Variants in PRKN observed in about 807,000 individuals in gnomAD.
PRKN encodes the protein E3 ubiquitin-protein ligase parkin.
PRKN carries 56 observed loss-of-function variants against 59.5 expected under a neutral mutation model. The observed-to-expected ratio is 0.94, with a 90% confidence interval of 0.76 to 1.18. The LOEUF (loss-of-function observed/expected upper bound fraction) is 1.18. Among genes scored for constraint, PRKN ranks in the 50% most tolerant of loss-of-function variants. The probability of loss-of-function intolerance (pLI) is 0.00; values close to 1 mark genes in which losing one functional copy is unlikely to be tolerated. For synonymous variants in PRKN, 250 were observed against 222.1 expected (o/e 1.13, Z -1.12); for missense variants, 657 against 596.4 (o/e 1.10, Z -1.06).
At chr6:162,246,748 C>T (rs915498269) in intron 3 of PRKN, among the ~76,000 whole-genome samples, 1 of 152,138 alleles carries the variant, frequency 6.6e-6, no homozygotes, top group African/African-American at 2.4e-5. Flanking sequence ...CCGAACTTCT[C>T]GTACTTCTCA....
At chr6:162,234,668 G>T (rs1017189752) in intron 3 of PRKN, among the ~76,000 whole-genome samples, 2 of 152,132 alleles carry the variant, frequency 1.3e-5, no homozygotes, top group African/African-American at 4.8e-5. Context: ...TTTAAAATTT[G>T]CATTATGTTT....
intron 6 of PRKN, among the ~76,000 whole-genome samples, chr6:161,877,715 G>A (rs550167831): frequency 1.2e-3 from 179 of 151,984 alleles, no homozygotes; most frequent in African/African-American, 4.0e-3. Context: ...TGATCTGCCC[G>A]CCTCAGCCTC....
chr6:161,911,405 A>T (rs2128237078), intron 6 of PRKN, among the ~76,000 whole-genome samples: 1 of 151,646 alleles, frequency 6.6e-6, no homozygotes, highest in African/African-American at 2.4e-5. Flanking sequence ...CAAAGCTTAA[A>T]CCCCCTTCCC....
chr6:162,412,022 ATTT>A (rs34662241), intron 2 of PRKN, among the ~76,000 whole-genome samples: 1 of 149,232 alleles, frequency 6.7e-6, no homozygotes, highest in Non-Finnish European at 1.5e-5. Flanking sequence ...GCTGAGAGGC[ATTT>A]TTTTTTTTCT....
chr6:162,604,838 C>A (rs1199433197), intron 1 of PRKN, among the ~76,000 whole-genome samples: 2 of 152,044 alleles, frequency 1.3e-5, no homozygotes, highest in East Asian at 3.9e-4. Flanking sequence ...TTATCAGCCT[C>A]CAGCAAAAGT....
At position 161,560,744 on chromosome 6, in the gene PRKN, C is replaced by CTT. The variant is rs1431320985; in HGVS notation, c.933+8609_933+8610dup. On this transcript the variant is annotated intron_variant, in intron 8 of 11. Coordinates refer to ENST00000366898, the MANE Select transcript of PRKN (RefSeq NM_004562.3). This position sits in a 1 kb window ranked among gnomAD's most constrained non-coding sequence, Gnocchi z 4.9. Reference sequence around the variant, plus strand: ...GATCACCTCTTATCTTTCCAAATCTCTTGCTAAAGTATGAACATTGCTTAA... The same window carrying CTT: ...GATCACCTCTTATCTTTCCAAATCTCTTTTGCTAAAGTATGAACATTGCTTAA... 6.6e-6 allele frequency among the ~76,000 whole-genome samples: 1 copy of CTT among 152,212 alleles called. No individual in the cohort carries two copies. Among genetic ancestry groups the CTT allele is most frequent in the Non-Finnish European group, 1.5e-5 (1 of 68,038 alleles).
intron 7 of PRKN, among the ~76,000 whole-genome samples, chr6:161,737,904 T>C (rs975719352): frequency 4.6e-5 from 7 of 152,186 alleles, no homozygotes; most frequent in African/African-American, 1.7e-4. Flanking sequence ...TATCACATAT[T>C]ACATCCCGTT....
At chr6:162,355,540 C>T (rs1784819789) in intron 2 of PRKN, among the ~76,000 whole-genome samples, 1 of 151,940 alleles carries the variant, frequency 6.6e-6, no homozygotes, top group South Asian at 2.1e-4. Flanking sequence ...TCACCAATTA[C>T]TTCCCATATT....
At chr6:161,432,680 C>G (rs922497897) in intron 9 of PRKN, among the ~76,000 whole-genome samples, 2 of 151,778 alleles carry the variant, frequency 1.3e-5, no homozygotes, top group Admixed American at 6.6e-5. Context: ...CTGCACCTAG[C>G]CTCTGATTTT....
At chr6:161,511,434 C>A (rs1364672824) in intron 9 of PRKN, among the ~76,000 whole-genome samples, 1 of 152,142 alleles carries the variant, frequency 6.6e-6, no homozygotes, top group Non-Finnish European at 1.5e-5. Flanking sequence ...CAACTGGAAA[C>A]AAATCCCTTC....
At chr6:161,714,991 C>G (rs924301534) in intron 7 of PRKN, among the ~76,000 whole-genome samples, 1 of 152,188 alleles carries the variant, frequency 6.6e-6, no homozygotes, top group East Asian at 1.9e-4. Context: ...GGTATTCTTA[C>G]CATTATCCTT....
intron 4 of PRKN, among the ~76,000 whole-genome samples, chr6:162,188,463 C>T (rs1008941540): frequency 5.3e-5 from 8 of 152,162 alleles, no homozygotes; most frequent in African/African-American, 1.9e-4. Flanking sequence ...GTACACTCTG[C>T]CTTTTCCTTC....
chr6:162,016,189 C>A (rs115391201), intron 5 of PRKN, among the ~76,000 whole-genome samples: 2,280 of 152,154 alleles, frequency 0.015, 61 homozygotes, highest in African/African-American at 0.051. Context: ...GGCGACACAT[C>A]TGTTGTTGTT....
At chr6:162,140,010 T>G (rs1201398932) in intron 4 of PRKN, among the ~76,000 whole-genome samples, 1 of 152,248 alleles carries the variant, frequency 6.6e-6, no homozygotes, top group African/African-American at 2.4e-5. Context: ...ATGACTTCAT[T>G]TATTAAAAAG....
At chr6:162,082,884 G>T (rs1308669671) in intron 4 of PRKN, among the ~76,000 whole-genome samples, 1 of 151,984 alleles carries the variant, frequency 6.6e-6, no homozygotes, top group African/African-American at 2.4e-5. Context: ...TATGGGTGTG[G>T]TTCATGGTAT....
chr6:162,058,168 T>C (rs1356134231), intron 4 of PRKN, among the ~76,000 whole-genome samples: 1 of 152,206 alleles, frequency 6.6e-6, no homozygotes, highest in Non-Finnish European at 1.5e-5. Flanking sequence ...TTTACATAAA[T>C]CATAATACAC....
Position 162,450,828 on chromosome 6 carries a change from C to T in PRKN, c.8-7355G>A, listed in dbSNP as rs192744135. 2.2e-4 allele frequency among the ~76,000 whole-genome samples: 33 copies of T among 152,082 alleles called. 1 individual carries two copies. In the East Asian group the frequency reaches 4.4e-3, roughly 20 times the overall value. On this transcript the variant is annotated intron_variant, in intron 1 of 11. Coordinates refer to ENST00000366898, the MANE Select transcript of PRKN (RefSeq NM_004562.3). Reference sequence around the variant, plus strand: ...AATCCTGGAAAAGAAAAGAGACATTCGGTAAAACTAAGAATATCCAAATAC... The same window carrying T: ...AATCCTGGAAAAGAAAAGAGACATTTGGTAAAACTAAGAATATCCAAATAC...
intron 2 of PRKN, among the ~76,000 whole-genome samples, chr6:162,328,319 T>C (rs1335414942): frequency 6.6e-6 from 1 of 152,034 alleles, no homozygotes; most frequent in Non-Finnish European, 1.5e-5. Context: ...CGAGCCGAGA[T>C]CGCACCACTG....
intron 2 of PRKN, among the ~76,000 whole-genome samples, chr6:162,345,823 T>C (rs2128129574): frequency 6.6e-6 from 1 of 152,026 alleles, no homozygotes. Context: ...ACCTTGAAAC[T>C]TGCTATGTTT....
Sources: allele counts gnomAD v4.1 joint callset (sites outside exome capture counted in the v4.1 genomes callset), GRCh38; gene constraint gnomAD v4.1.1; non-coding constraint Gnocchi (gnomAD v3.1); transcripts MANE v1.5; gene names NCBI Gene and HGNC (gene_info 2026-07-23, HGNC 2026-07-21).